Variants in GUCY1A2 observed in about 807,000 individuals in gnomAD.
GUCY1A2 encodes guanylate cyclase 1 soluble subunit alpha 2.
GUCY1A2 carries 27 observed loss-of-function variants against 63.5 expected under a neutral mutation model. The observed-to-expected ratio is 0.43, with a 90% CI of 0.31 to 0.59. GUCY1A2 has a LOEUF of 0.59. Among genes scored for constraint, GUCY1A2 ranks in the 20% least tolerant of loss-of-function variants. The pLI is 0.11. For synonymous variants in GUCY1A2, 364 were observed against 343.5 expected, an observed-to-expected ratio of 1.06 and a Z score of -0.66; for missense variants, 768 against 913.3, an observed-to-expected ratio of 0.84 and a Z score of 2.05.
At chr11:106,848,179 T>C (rs771345186) in intron 4 of GUCY1A2, among the ~76,000 whole-genome samples, 3 of 151,614 alleles carry the variant, frequency 2.0e-5, no homozygotes, top group Non-Finnish European at 4.4e-5. Flanking sequence ...TACATGTTGT[T>C]CAATTTTTAT....
intron 5 of GUCY1A2, among the ~76,000 whole-genome samples, chr11:106,809,062 TTCATA>T (rs1312533508): frequency 6.6e-6 from 1 of 152,058 alleles, no homozygotes. Context: ...AAGACACACC[TTCATA>T]AAAACACCTT....
intron 6 of GUCY1A2, among the ~76,000 whole-genome samples, chr11:106,769,933 T>G (rs1864227299): frequency 6.6e-6 from 1 of 152,086 alleles, no homozygotes; most frequent in South Asian, 2.1e-4. Flanking sequence ...CAAAGAATCT[T>G]AGAAAATTAA....
At chr11:106,691,689 A>G (rs896222526) in intron 7 of GUCY1A2, among the ~76,000 whole-genome samples, 3 of 152,218 alleles carry the variant, frequency 2.0e-5, no homozygotes, top group African/African-American at 7.2e-5. Context: ...GACATTTTAA[A>G]TAGATCTCAT....
chr11:106,750,007 T>C (rs1396564707), intron 6 of GUCY1A2, among the ~76,000 whole-genome samples: 6 of 152,076 alleles, frequency 3.9e-5, no homozygotes, highest in African/African-American at 1.4e-4. Flanking sequence ...TGAAGTCCCA[T>C]GATAGGCTAT....
intron 3 of GUCY1A2, among the ~76,000 whole-genome samples, chr11:106,948,512 A>G (rs1444378955): frequency 6.6e-6 from 1 of 152,158 alleles, no homozygotes; most frequent in African/African-American, 2.4e-5. Context: ...ATATAAAGAA[A>G]CTGTTCAAAT....
intron 6 of GUCY1A2, among the ~76,000 whole-genome samples, chr11:106,726,765 T>C (rs1565270610): frequency 6.6e-6 from 1 of 152,018 alleles, no homozygotes; most frequent in African/African-American, 2.4e-5. Context: ...GTGTCATGGA[T>C]TGGAATAAGA....
chr11:106,810,519 T>A, intron 4 of GUCY1A2, 41 bp from the exon 5 acceptor site: 1 of 1,500,868 alleles, frequency 6.7e-7, no homozygotes, highest in Non-Finnish European at 8.9e-7. Context: ...ACTCTTCACA[T>A]AGTAGGTTCA....
intron 6 of GUCY1A2, among the ~76,000 whole-genome samples, chr11:106,742,319 TC>T (rs2135379485): frequency 6.6e-6 from 1 of 152,296 alleles, no homozygotes; most frequent in Admixed American, 6.5e-5. Flanking sequence ...TAGCTATTCT[TC>T]CTGATGCTCT....
At chr11:106,753,439 C>G (rs1863917935) in intron 6 of GUCY1A2, among the ~76,000 whole-genome samples, 1 of 152,076 alleles carries the variant, frequency 6.6e-6, no homozygotes, top group East Asian at 1.9e-4. Context: ...AAGTCTTTGC[C>G]CACGCCTATG....
intron 4 of GUCY1A2, among the ~76,000 whole-genome samples, chr11:106,836,767 G>T (rs1859122776): frequency 6.6e-6 from 1 of 151,888 alleles, no homozygotes; most frequent in Non-Finnish European, 1.5e-5. Flanking sequence ...AGCAACAAGA[G>T]GTGGTTATGA....
chr11:106,687,947 G>GTGAT (rs1284099480), intron 7 of GUCY1A2, among the ~76,000 whole-genome samples, 191 bp from the exon 8 acceptor site: 1 of 152,064 alleles, frequency 6.6e-6, no homozygotes, highest in Non-Finnish European at 1.5e-5. Flanking sequence ...ATCCCTTCAT[G>GTGAT]TGATAATAAT....
chr11:107,016,395 A>C (rs1861824126), intron 1 of GUCY1A2, among the ~76,000 whole-genome samples: 1 of 152,232 alleles, frequency 6.6e-6, no homozygotes, highest in African/African-American at 2.4e-5. Flanking sequence ...TTTAAAACAG[A>C]GCTCTCCCAG....
intron 1 of GUCY1A2, among the ~76,000 whole-genome samples, chr11:106,996,297 T>C (rs1861534651): frequency 6.6e-6 from 1 of 152,174 alleles, no homozygotes. Context: ...TAATACTGTT[T>C]AGGAGCATAT....
intron 4 of GUCY1A2, among the ~76,000 whole-genome samples, chr11:106,862,343 C>T (rs1203414105): frequency 6.6e-6 from 1 of 151,696 alleles, no homozygotes; most frequent in East Asian, 1.9e-4. Context: ...AAAAACACAT[C>T]AATAGATAAG....
intron 3 of GUCY1A2, among the ~76,000 whole-genome samples, chr11:106,977,550 C>G (rs1211900414): frequency 6.6e-6 from 1 of 152,150 alleles, no homozygotes; most frequent in African/African-American, 2.4e-5. Flanking sequence ...GAAAATGTAG[C>G]CAACCGGCAG....
intron 6 of GUCY1A2, among the ~76,000 whole-genome samples, chr11:106,773,270 A>G (rs1201143402): frequency 6.6e-6 from 1 of 151,976 alleles, no homozygotes; most frequent in Non-Finnish European, 1.5e-5. Flanking sequence ...ACTTTAGTTA[A>G]GTGGAATAAT....
In GUCY1A2 at chr11:106,819,766, A is replaced by T. The variant is rs141213811; in HGVS notation, c.1207-9288T>A. Among the ~76,000 whole-genome samples the T allele has an allele frequency of 3.9e-3, 597 of 152,286 alleles. 2 individuals are homozygous for T. The highest frequency in any genetic ancestry group is 7.0e-3 in the Non-Finnish European group (476 of 68,016). On this transcript the variant is annotated intron_variant, in intron 4 of 7. Coordinates refer to ENST00000526355, the MANE Select transcript of GUCY1A2 (RefSeq NM_000855.3). ...TGTAACCAAACCCACAGTATCTCTG[A>T]GGTGTGCCTGGATACACCAGAGAAT...
chr11:106,788,406 G>A (rs895146533), intron 5 of GUCY1A2, among the ~76,000 whole-genome samples: 1 of 152,000 alleles, frequency 6.6e-6, no homozygotes, highest in Non-Finnish European at 1.5e-5. Flanking sequence ...GATCCCATTT[G>A]TCCATTTTCA....
intron 3 of GUCY1A2, among the ~76,000 whole-genome samples, chr11:106,959,035 G>T (rs1196705879): frequency 6.6e-6 from 1 of 152,094 alleles, no homozygotes; most frequent in Non-Finnish European, 1.5e-5. Flanking sequence ...TAGCATCGTG[G>T]GTGAGGCAAC....
Sources: gnomAD v4.1 joint callset for allele counts (sites outside exome capture counted in the v4.1 genomes callset) on GRCh38, gnomAD v4.1.1 for gene constraint, MANE v1.5 for transcripts, NCBI Gene and HGNC (gene_info 2026-07-23, HGNC 2026-07-21) for gene names.